Variants in KMT2C observed in about 807,000 individuals in gnomAD.
KMT2C encodes the protein histone-lysine N-methyltransferase 2C.
In KMT2C, 88 loss-of-function variants were observed where a neutral mutation model predicts 507.9. The ratio of observed to expected loss-of-function variants is 0.17; its 90% CI spans 0.15 to 0.21. KMT2C has a LOEUF of 0.21. Among genes scored for constraint, KMT2C ranks in the 10% least tolerant of loss-of-function variants. The pLI is 1.00. For synonymous variants in KMT2C, 2,049 were observed against 2,080.8 expected (o/e 0.98, Z 0.42); for missense variants, 4,954 against 5,957.8 (o/e 0.83, Z 5.55).
intron 26 of KMT2C, among the ~76,000 whole-genome samples, chr7:152,201,293 G>GACAC (rs3839689): frequency 0.046 from 6,251 of 136,986 alleles, 128 homozygotes; most frequent in South Asian, 0.06. Flanking sequence ...TACAGACACA[G>GACAC]ACACACACAC....
chr7:152,180,641 AC>A, intron 36 of KMT2C, 69 bp downstream of exon 36: 1 of 1,162,218 alleles, frequency 8.6e-7, no homozygotes, highest in Non-Finnish European at 1.2e-6. Context: ...TGTAGAAATT[AC>A]TCAGTTTGAT....
chr7:152,156,044 T>C lies in KMT2C; in HGVS notation c.11826A>G (p.Leu3942=), dbSNP rs1427059253. ...AGGGCAGCTGAAATGGTTTAGGTCC[T>C]AGAGTTTTGGTAACTGGAAAAGCAA... The part of the protein sequence containing the change: ...VLVSHEVTKT[L]GPKPFQLPFR... The change falls in exon 46 of 59, where the codon CTA becomes CTG. Residue 3942 remains leucine, a synonymous_variant. Transcript: ENST00000262189. The C allele has an allele frequency of 1.9e-6, 3 of 1,600,642 alleles. No homozygotes were observed. The South Asian group carries it at 3.4e-5, about 18-fold the overall frequency.
chr7:152,224,414 G>T, intron 19 of KMT2C, 21 bp downstream of exon 19: 2 of 1,598,040 alleles, frequency 1.3e-6, no homozygotes, highest in Non-Finnish European at 1.7e-6. Context: ...AGACTAACAA[G>T]GCAAACAAAC....
chr7:152,220,177 C>A (rs1247559689), intron 23 of KMT2C: 1 of 247,054 alleles, frequency 4.0e-6, no homozygotes, highest in Non-Finnish European at 7.9e-6. Context: ...ACTACCTTAA[C>A]TGAAACATGG....
At chr7:152,368,328 GAATAA>G in intron 1 of KMT2C, 1 of 1,201,624 alleles carries the variant, frequency 8.3e-7, no homozygotes, top group Non-Finnish European at 1.2e-6. Flanking sequence ...ATAACAACAA[GAATAA>G]AGGGCAGCTG....
chr7:152,180,062 T>C lies in KMT2C; in HGVS notation c.7214A>G (p.Glu2405Gly), dbSNP rs2093379385. ...QQQKKIAGRQ[E>G]KGSQDSPAVP... Reference sequence around the variant, plus strand: ...TGCGGGTGAGTCCTGTGACCCCTTCTCCTGTCGACCTGCAATCTTCTTCTG... The same window carrying C: ...TGCGGGTGAGTCCTGTGACCCCTTCCCCTGTCGACCTGCAATCTTCTTCTG... Residue 2405 changes from glutamate to glycine, a missense_variant, in exon 37 of 59, where the codon GAG (glutamate) becomes GGG (glycine). Transcript: ENST00000262189. 6.2e-7 allele frequency: 1 copy of C among 1,614,044 alleles called. No homozygotes were observed. The highest frequency in any genetic ancestry group is 1.1e-5 in the South Asian group (1 of 91,082).
At chr7:152,433,398 A>T (rs2097883419) in intron 1 of KMT2C, among the ~76,000 whole-genome samples, 1 of 148,308 alleles carries the variant, frequency 6.7e-6, no homozygotes, top group Non-Finnish European at 1.5e-5. Flanking sequence ...ATGGATTCTT[A>T]TACAGTATAG....
chr7:152,297,055 C>CAGAGAGAG lies in KMT2C; in HGVS notation c.849+12903_849+12910dup, dbSNP rs769381866. ...AAAGAAAGAAAGAAAGAAAGAAAGACAGAGAGAGAGAGAGAGAGAGAGAGA... is the reference window on the plus strand; with the variant it reads ...AAAGAAAGAAAGAAAGAAAGAAAGACAGAGAGAGAGAGAGAGAGAGAGAGAGAGAGAGA... On this transcript the variant is annotated intron_variant, in intron 6 of 58. Transcript: ENST00000262189. Among the ~76,000 whole-genome samples the CAGAGAGAG allele has an allele frequency of 6.4e-3, 542 of 84,370 alleles. 2 individuals carry two copies. The highest frequency in any genetic ancestry group is 1.0e-2 in the South Asian group (22 of 2,208). 55.3% of individuals were successfully genotyped at this position (84,370 alleles called of 152,430 possible).
intron 1 of KMT2C, among the ~76,000 whole-genome samples, chr7:152,393,380 C>G (rs375265661): frequency 6.6e-6 from 1 of 152,152 alleles, no homozygotes; most frequent in Non-Finnish European, 1.5e-5. Flanking sequence ...CAAATACTTA[C>G]TTTCTTAGCA....
intron 9 of KMT2C, among the ~76,000 whole-genome samples, chr7:152,260,017 T>C (rs904227651): frequency 6.6e-6 from 1 of 152,216 alleles, no homozygotes; most frequent in African/African-American, 2.4e-5. Context: ...GTGTTAGGCA[T>C]TGTGCTGGGC....
rs1027118379 is a variant in KMT2C, at chr7:152,199,608, T to C, written c.4093-149A>G. The C allele has an allele frequency of 1.6e-4, 71 of 431,622 alleles. 1 individual carries two copies. Among genetic ancestry groups the C allele is most frequent in the Admixed American group, 4.4e-5 (1 of 22,672 alleles). 26.7% of individuals were successfully genotyped at this position (431,622 alleles called of 1,614,324 possible). ...AACTGAATACAGAAGTATTAAAAAA[T>C]AGAAATATCCTGTCAATTATTTTAT... On this transcript the variant is annotated intron_variant, in intron 26 of 58. Transcript: ENST00000262189.
intron 26 of KMT2C, among the ~76,000 whole-genome samples, chr7:152,199,790 C>A (rs1165943701): frequency 6.6e-6 from 1 of 152,122 alleles, no homozygotes; most frequent in Non-Finnish European, 1.5e-5. Context: ...CAGAGGACAG[C>A]ATAAGACTTT....
chr7:152,155,672 TTAAC>T (rs1357309996), intron 46 of KMT2C, among the ~76,000 whole-genome samples: 6 of 152,216 alleles, frequency 3.9e-5, no homozygotes, highest in Non-Finnish European at 4.4e-5. Context: ...AATCTAATAC[TTAAC>T]TGTCTATTAG....
chr7:152,163,767 C>T lies in KMT2C; in HGVS notation c.9810G>A (p.Gln3270=), dbSNP rs2129104740. ...ELIEDYRIKQ[Q]QQCAMAPPTM... ...TAGGTGGGGCCATTGCACATTGCTG[C>T]TGCTGTTTGATCCGATAATCTTCAA... is the stretch of plus-strand genomic sequence containing the variant. The change falls in exon 43 of 59, where the codon CAG becomes CAA. Residue 3270 remains glutamine (Q), a synonymous_variant. Coordinates refer to ENST00000262189, the MANE Select transcript of KMT2C (RefSeq NM_170606.3). 6.2e-7 allele frequency: 1 copy of T among 1,614,180 alleles called. No homozygotes were observed. The highest frequency in any genetic ancestry group is 8.5e-7 in the Non-Finnish European group (1 of 1,180,038).
rs1421499407 is a variant in KMT2C at position 152,310,021 on chromosome 7, A to G, written c.794T>C (p.Met265Thr). Reference sequence around the variant, plus strand: ...CACGTTCACTAACAATGGTTCTTCCATCTGGCATACTCCTAGTGACCACTC... The same window carrying G: ...CACGTTCACTAACAATGGTTCTTCCGTCTGGCATACTCCTAGTGACCACTC... Reference protein sequence around the residue: ...CVEWSLGVCQMEEPLLVNVDK... With the variant: ...CVEWSLGVCQTEEPLLVNVDK... Residue 265 changes from methionine (M) to threonine (T), a missense_variant, in exon 6 of 59, where the codon ATG becomes ACG. By Grantham distance (81) the Met-to-Thr change is moderately conservative. Transcript: ENST00000262189. 12 of 1,613,938 alleles carry G rather than the reference A, an allele frequency of 7.4e-6. No individual in the cohort carries two copies. The highest frequency in any genetic ancestry group is 1.3e-5 in the African/African-American group (1 of 74,940).
chr7:152,353,633 G>A (rs1235630529), intron 2 of KMT2C, among the ~76,000 whole-genome samples: 1 of 152,008 alleles, frequency 6.6e-6, no homozygotes, highest in Non-Finnish European at 1.5e-5. Flanking sequence ...GAGTAGCTAG[G>A]ACTACAGGTG....
chr7:152,400,128 C>T (rs540738291), intron 1 of KMT2C, among the ~76,000 whole-genome samples: 4 of 149,114 alleles, frequency 2.7e-5, no homozygotes, highest in Admixed American at 6.6e-5. Flanking sequence ...CTAACAAACA[C>T]GGTGAAACCC....
intron 1 of KMT2C, among the ~76,000 whole-genome samples, chr7:152,423,095 C>T (rs910411955): frequency 3.0e-4 from 45 of 151,910 alleles, no homozygotes; most frequent in African/African-American, 1.1e-3. Flanking sequence ...AATTCCAAAA[C>T]TTTGGGAGGC....
chr7:152,245,030 C>T (rs2095446799), intron 14 of KMT2C, among the ~76,000 whole-genome samples: 1 of 152,194 alleles, frequency 6.6e-6, no homozygotes, highest in South Asian at 2.1e-4. Context: ...GTCCTAACAT[C>T]TCACCTTCAG....
Sources: gnomAD v4.1 joint callset for allele counts (sites outside exome capture counted in the v4.1 genomes callset) on GRCh38, gnomAD v4.1.1 for gene constraint, MANE v1.5 for transcripts, NCBI Gene and HGNC (gene_info 2026-07-23, HGNC 2026-07-21) for gene names.